Variants in MKKS observed in about 807,000 individuals in gnomAD.
The protein encoded by MKKS is molecular chaperone MKKS.
In MKKS, 29 loss-of-function variants were observed where a neutral mutation model predicts 33.2. That is an observed-to-expected ratio of 0.87 (90% CI 0.65 to 1.19). MKKS has a LOEUF of 1.19. MKKS is among the 50% of genes most tolerant of loss of function. The probability of loss-of-function intolerance (pLI) is 0.00; values close to 1 mark genes in which losing one functional copy is unlikely to be tolerated. For missense variants in MKKS, 661 were observed against 662.3 expected, an observed-to-expected ratio of 1.00 and a Z score of 0.02; for synonymous variants, 260 against 244.0, an observed-to-expected ratio of 1.07 and a Z score of -0.61.
chr20:10,413,413 T>A lies in MKKS; in HGVS notation c.102A>T (p.Thr34=). 6.2e-7 allele frequency: 1 copy of A among 1,613,184 alleles called. No individual in the cohort carries two copies. The highest frequency in any genetic ancestry group is 8.5e-7 in the Non-Finnish European group (1 of 1,179,170). The change falls in exon 3 of 6, where the codon ACA becomes ACT. Residue 34 remains threonine (T), a synonymous_variant. Coordinates refer to ENST00000347364, the MANE Select transcript of MKKS (RefSeq NM_170784.3). ...TTLSVLKRIV[T]SCYGPSGRLK... ...GCCTACCTGAGGGGCCATAGCATGA[T>A]GTTACAATTCTTTTCAAGACAGAAA...
chr20:10,417,383 G>C (rs1035930782), intron 2 of MKKS, among the ~76,000 whole-genome samples: 6 of 152,224 alleles, frequency 3.9e-5, no homozygotes, highest in African/African-American at 1.4e-4. Flanking sequence ...GGCCAAGGCA[G>C]GAGGATTGCT....
intron 1 of MKKS, among the ~76,000 whole-genome samples, chr20:10,433,216 G>C (rs73260084): frequency 0.011 from 1,694 of 152,320 alleles, 28 homozygotes; most frequent in African/African-American, 0.039. Context: ...ACGTTGGCCT[G>C]GCTGGCCCCA....
rs1221860501 is a variant in MKKS at position 10,413,375 on chromosome 20, T to C, written c.140A>G (p.His47Arg). The C allele has an allele frequency of 2.5e-6, 4 of 1,613,210 alleles. No individual in the cohort carries two copies. The highest frequency in any genetic ancestry group is 3.4e-6 in the Non-Finnish European group (4 of 1,179,120). Residue 47 changes from histidine (H) to arginine (R), a missense_variant, in exon 3 of 6, where the codon CAC becomes CGC. By Grantham distance (29) the His-to-Arg change is conservative. Coordinates refer to ENST00000347364, the MANE Select transcript of MKKS (RefSeq NM_170784.3). ...YGPSGRLKQL[H>R]NGFGGYVCTT... ...ACACACGTAACCTCCAAAGCCATTG[T>C]GCAGCTGCTTCAGCCTACCTGAGGG...
At chr20:10,421,019 C>A (rs2064976875) in intron 1 of MKKS, among the ~76,000 whole-genome samples, 1 of 152,176 alleles carries the variant, frequency 6.6e-6, no homozygotes. Flanking sequence ...ACATTACCTG[C>A]TGGAAAAGCT....
intron 1 of MKKS, among the ~76,000 whole-genome samples, chr20:10,425,045 C>T (rs1253343074): frequency 1.4e-5 from 2 of 146,830 alleles, no homozygotes; most frequent in African/African-American, 5.0e-5. Flanking sequence ...AAGAGCTAAA[C>T]TCCGTCTCAA....
At chr20:10,425,375 T>C (rs1430457779) in intron 1 of MKKS, among the ~76,000 whole-genome samples, 1 of 152,236 alleles carries the variant, frequency 6.6e-6, no homozygotes, top group Admixed American at 6.5e-5. Context: ...TGGCAATAAA[T>C]ATTTGTGTAA....
At chr20:10,418,475 T>A (rs1001427750) in intron 2 of MKKS, among the ~76,000 whole-genome samples, 3 of 152,194 alleles carry the variant, frequency 2.0e-5, no homozygotes, top group Non-Finnish European at 2.9e-5. Context: ...ACTTCAACTA[T>A]TCGGAATTTG....
At chr20:10,407,026 G>T (rs149577915) in intron 5 of MKKS, among the ~76,000 whole-genome samples, 22 of 152,214 alleles carry the variant, frequency 1.4e-4, no homozygotes, top group African/African-American at 5.1e-4. Flanking sequence ...ACTTATCTGA[G>T]AGCTGTCAGG....
chr20:10,427,821 T>C (rs933027948), intron 1 of MKKS, among the ~76,000 whole-genome samples: 1 of 152,194 alleles, frequency 6.6e-6, no homozygotes, highest in Non-Finnish European at 1.5e-5. Context: ...AATGAACCCA[T>C]GGATCATAAT....
intron 5 of MKKS, among the ~76,000 whole-genome samples, chr20:10,407,329 T>C (rs1032384282): frequency 6.6e-6 from 1 of 152,176 alleles, no homozygotes. Context: ...AAGAACGTGA[T>C]CGCTTGCTTA....
rs531442942 is a variant in MKKS at position 10,408,508 on chromosome 20, C to G, written c.1161+120G>C. ...AGCTTACTTGTGACTTTGCATCAATCATTTTAATTTTTGCTTTCTATACTA... is the reference window on the plus strand; with the variant it reads ...AGCTTACTTGTGACTTTGCATCAATGATTTTAATTTTTGCTTTCTATACTA... On this transcript the variant is annotated intron_variant, in intron 4 of 5. Transcript: ENST00000347364. 15 of 969,066 alleles carry G rather than the reference C, an allele frequency of 1.5e-5. No homozygotes were observed. In the South Asian group the frequency reaches 2.0e-4, roughly 13 times the overall value. The allele number at this position is 969,066 out of a possible 1,614,324, so 60.0% of individuals were successfully genotyped here.
intron 1 of MKKS, among the ~76,000 whole-genome samples, chr20:10,432,599 C>A (rs2065061050): frequency 6.6e-6 from 1 of 152,008 alleles, no homozygotes; most frequent in Non-Finnish European, 1.5e-5. Context: ...TCAAGACCAG[C>A]CTGGCCAACA....
chr20:10,430,854 G>A lies in MKKS; in HGVS notation c.-649+3254C>T, dbSNP rs1014478708. On this transcript the variant is annotated intron_variant, in intron 1 of 5. Coordinates refer to ENST00000347364, the MANE Select transcript of MKKS (RefSeq NM_170784.3). Reference sequence around the variant, plus strand: ...AGAGCAGCCAAGTGATCAAATGTGAGAATCCTACAATGACTGAAACTTGGT... The same window carrying A: ...AGAGCAGCCAAGTGATCAAATGTGAAAATCCTACAATGACTGAAACTTGGT... 5.3e-5 allele frequency among the ~76,000 whole-genome samples: 8 copies of A among 152,346 alleles called. 1 individual carries two copies. The South Asian group carries it at 6.2e-4, about 12-fold the overall frequency.
At chr20:10,424,859 C>G (rs1474585037) in intron 1 of MKKS, among the ~76,000 whole-genome samples, 1 of 151,946 alleles carries the variant, frequency 6.6e-6, no homozygotes, top group Non-Finnish European at 1.5e-5. Flanking sequence ...TGAGACCAGT[C>G]TGGCCAACAT....
chr20:10,406,629 C>T (rs1488230000), intron 5 of MKKS, among the ~76,000 whole-genome samples: 1 of 152,198 alleles, frequency 6.6e-6, no homozygotes, highest in South Asian at 2.1e-4. Flanking sequence ...TGTTAAGCAA[C>T]ATGTCTGTAT....
chr20:10,405,501 CACAGGG>C lies in MKKS; in HGVS notation c.1453_1458del (p.Pro485_Cys486del), dbSNP rs764470546. The C allele has an allele frequency of 6.2e-7, 1 of 1,614,180 alleles. No homozygotes were observed. Among genetic ancestry groups the C allele is most frequent in the Non-Finnish European group, 8.5e-7 (1 of 1,180,038 alleles). On this transcript the variant is annotated inframe_deletion, in exon 6 of 6. Transcript: ENST00000347364. ...GAAAGCAAATCTGGCCAGTTAGCAA[CACAGGG>C]AGAATCTGCCTGAACTGACCAAAGG... is the stretch of plus-strand genomic sequence containing the variant.
At position 10,412,873 on chromosome 20, in the gene MKKS, TA is replaced by T; in HGVS notation, c.641del (p.Val214AspfsTer14). 6.2e-7 allele frequency: 1 copy of T among 1,614,166 alleles called. No homozygotes were observed. ...LKGQRVIDST[V>X]LPGILIEMSE... Reference sequence around the variant, plus strand: ...ACATTTCAATGAGTATCCCAGGTAATACAGTGGAATCTATAACTCTTTGACC... The same window carrying T: ...ACATTTCAATGAGTATCCCAGGTAATCAGTGGAATCTATAACTCTTTGACC... On this transcript the variant is annotated frameshift_variant, in exon 3 of 6. Transcript: ENST00000347364. LOFTEE classifies it high-confidence loss of function.
In MKKS at chr20:10,402,600, G is replaced by C. The variant is rs2064816353; in HGVS notation, c.*2647C>G. On this transcript the variant is annotated 3_prime_UTR_variant, in exon 6 of 6. Coordinates refer to ENST00000347364, the MANE Select transcript of MKKS (RefSeq NM_170784.3). ...ATAGAATTTAAAAAGTGGCTATCGT[G>C]AAAAGTAGAAGCCCCTAATCTATAA... The C allele has an allele frequency of 6.6e-6, 1 of 152,180 alleles. No individual in the cohort carries two copies. 9.4% of individuals were successfully genotyped at this position (152,180 alleles called of 1,614,324 possible).
In MKKS at chr20:10,412,568, A is replaced by T; in HGVS notation, c.947T>A (p.Ile316Asn). The T allele has an allele frequency of 6.2e-7, 1 of 1,614,116 alleles. No homozygotes were observed. Among genetic ancestry groups the T allele is most frequent in the Non-Finnish European group, 8.5e-7 (1 of 1,180,012 alleles). Residue 316 changes from isoleucine to asparagine, a missense_variant, in exon 3 of 6, where the codon ATT (isoleucine) becomes AAT (asparagine). By Grantham distance (149) the Ile-to-Asn change is moderately radical. Transcript: ENST00000347364. ...CAGGGGTTCCATCAGAGTCACTCCA[A>T]TTCTGTCTATGGCAATAATACGATG... ...NMHRIIAIDRIGVTLMEPLTK... is the reference protein window; with the variant it reads ...NMHRIIAIDRNGVTLMEPLTK...
Sources: allele counts gnomAD v4.1 joint callset (sites outside exome capture counted in the v4.1 genomes callset), GRCh38; gene constraint gnomAD v4.1.1; transcripts MANE v1.5; gene names NCBI Gene and HGNC (gene_info 2026-07-23, HGNC 2026-07-21).